The following CDCA7 variants were observed in gnomAD, a reference collection of about 807,000 sequenced individuals.
CDCA7 encodes cell division cycle-associated protein 7.
Under a neutral mutation model 54.0 loss-of-function variants are expected in CDCA7, and 28 were observed. The ratio of observed to expected loss-of-function variants is 0.52; its 90% CI spans 0.38 to 0.71. The LOEUF is 0.71. Among genes scored for constraint, CDCA7 ranks in the 30% least tolerant of loss-of-function variants. The probability of loss-of-function intolerance (pLI) is 0.00; values close to 1 mark genes in which losing one functional copy is unlikely to be tolerated. For missense variants in CDCA7, 484 were observed against 586.0 expected, an observed-to-expected ratio of 0.83 and a Z score of 1.80; for synonymous variants, 180 against 208.2, an observed-to-expected ratio of 0.86 and a Z score of 1.16.
rs769558563 is a variant in CDCA7 at position 173,364,964 on chromosome 2, G to A, written c.869G>A (p.Arg290Lys). The A allele has an allele frequency of 6.3e-7, 1 of 1,584,590 alleles. No individual in the cohort carries two copies. Reference sequence around the variant, plus strand: ...GATAAGTACATGTTGGTGAGAAAGAGGAAGACCGTGGATGGCTACATGAAT... The same window carrying A: ...GATAAGTACATGTTGGTGAGAAAGAAGAAGACCGTGGATGGCTACATGAAT... The part of the protein sequence containing the change: ...EEDKYMLVRK[R>K]KTVDGYMNED... The change falls in exon 6 of 10, where the codon AGG becomes AAG. Residue 290 changes from arginine to lysine, a missense_variant. This residue lies in a region of CDCA7 where 398 missense variants were observed against 447.4 expected (regional missense o/e 0.89). Coordinates refer to ENST00000306721, the MANE Select transcript of CDCA7 (RefSeq NM_031942.5).
At chr2:173,363,918 A>AT (rs753168616) in intron 5 of CDCA7, 23 bp downstream of exon 5, 4 of 1,605,842 alleles carry the variant, frequency 2.5e-6, no homozygotes, top group Non-Finnish European at 3.4e-6. Context: ...TCTTGTTTAT[A>AT]TACAGTAGTG....
In CDCA7 at chr2:173,365,266, G is replaced by T. The variant is rs560544549; in HGVS notation, c.895-186G>T. 2.0e-5 allele frequency among the ~76,000 whole-genome samples: 3 copies of T among 152,258 alleles called. No homozygotes were observed. The South Asian group carries it at 6.2e-4, about 32-fold the overall frequency. On this transcript the variant is annotated intron_variant, in intron 6 of 9. Transcript: ENST00000306721. ...CGTATGGCCTGTTCCCCTACCATAA[G>T]CTCTAGGAGAGATTTCCAGGTTGAA...
In CDCA7 at chr2:173,354,951, AC is replaced by A. The variant is rs1202336125; in HGVS notation, c.-10del. 5 of 1,464,080 alleles carry A rather than the reference AC, an allele frequency of 3.4e-6. No homozygotes were observed. In the African/African-American group the frequency reaches 7.4e-5, roughly 22 times the overall value. The allele number at this position is 1,464,080 out of a possible 1,614,324, so 90.7% of individuals were successfully genotyped here. ...CCCCGCTCCAAGCGCCGATCTGGGC[AC>A]CCGCCACCAGCATGGACGCTCGCCG... On this transcript the variant is annotated 5_prime_UTR_variant, in exon 1 of 10. Transcript: ENST00000306721.
At chr2:173,358,204 A>G (rs1224812455) in intron 1 of CDCA7, among the ~76,000 whole-genome samples, 2 of 151,544 alleles carry the variant, frequency 1.3e-5, no homozygotes, top group Non-Finnish European at 2.9e-5. Context: ...CGTCTCAAAA[A>G]AAAAAAAAAA....
chr2:173,364,394 G>A (rs11078), intron 5 of CDCA7: 65,638 of 163,484 alleles, frequency 0.4, 14,247 homozygotes, highest in Non-Finnish European at 0.48. Context: ...TCTTTTTCCT[G>A]GCTTTCCCTG....
chr2:173,363,594 T>C (rs1024113277), intron 4 of CDCA7, 132 bp downstream of exon 4: 4 of 978,902 alleles, frequency 4.1e-6, no homozygotes, highest in African/African-American at 3.3e-5. Context: ...ACCTGTGAAG[T>C]CTTCAATGTG....
chr2:173,358,870 T>C lies in CDCA7; in HGVS notation c.147+33T>C, dbSNP rs550475414. 95 of 1,592,004 alleles carry C rather than the reference T, an allele frequency of 6.0e-5. No individual in the cohort carries two copies. The East Asian group carries it at 2.1e-3, about 35-fold the overall frequency. On this transcript the variant is annotated intron_variant, in intron 2 of 9. Coordinates refer to ENST00000306721, the MANE Select transcript of CDCA7 (RefSeq NM_031942.5). ...CTGCCTGAGAATAAACAGAATTGAG[T>C]CTGCAGTGCTCAAAATGCCCCAGAT...
chr2:173,360,774 C>A (rs1007800952), intron 3 of CDCA7, among the ~76,000 whole-genome samples: 1 of 152,002 alleles, frequency 6.6e-6, no homozygotes, highest in African/African-American at 2.4e-5. Context: ...ACCTTGCTGG[C>A]CTTGATAAAT....
In CDCA7 at chr2:173,367,276, T is replaced by TA; in HGVS notation, c.1313dup (p.Tyr438Ter). The change falls in exon 9 of 10, where the codon TAC becomes TAAC. Residue 438 changes from tyrosine to a stop codon, truncating the protein, a stop_gained and frameshift_variant. Coordinates refer to ENST00000306721, the MANE Select transcript of CDCA7 (RefSeq NM_031942.5). LOFTEE classifies it high-confidence loss of function. ...TCATGGCTTTGGGAATGTGCATGCC[T>TA]ACTTGAAAAGGTAGTGGGTGTTTTT... Reference protein sequence around the residue: ...KYHGFGNVHAYLKSLKQEFEM... With the variant: ...KYHGFGNVHA 1 of 1,614,188 alleles carries TA rather than the reference T, an allele frequency of 6.2e-7. No homozygotes were observed. The highest frequency in any genetic ancestry group is 8.5e-7 in the Non-Finnish European group (1 of 1,180,030).
Position 173,364,805 on chromosome 2 carries a change from G to C in CDCA7, c.710G>C (p.Arg237Thr), listed in dbSNP as rs1377627477. The C allele has an allele frequency of 1.2e-6, 2 of 1,603,730 alleles. No individual in the cohort carries two copies. Among genetic ancestry groups the C allele is most frequent in the Admixed American group, 1.7e-5 (1 of 57,240 alleles). ...ACGTGCTTTGTTTAGCAATCAAGGA[G>C]ACCGCGAAGGCGTACATTCCCGGGT... ...PLPGSDSQSR[R>T]PRRRTFPGVA... Residue 237 changes from arginine (R) to threonine (T), a missense_variant, in exon 6 of 10, where the codon AGA becomes ACA. By Grantham distance (71) the Arg-to-Thr change is moderately conservative. Transcript: ENST00000306721.
At chr2:173,357,353 A>G (rs1686526272) in intron 1 of CDCA7, among the ~76,000 whole-genome samples, 2 of 152,238 alleles carry the variant, frequency 1.3e-5, no homozygotes, top group Non-Finnish European at 2.9e-5. Context: ...AGGGACAGCA[A>G]CAAGAACTGA....
At position 173,367,130 on chromosome 2, in the gene CDCA7, G is replaced by A. The variant is rs945202713; in HGVS notation, c.1186-20G>A. ...AGGTAAGGTTTAACTTAATTGTGCC[G>A]TTTGACAATCCTCCTTCAGAACTGG... On this transcript the variant is annotated intron_variant, in intron 8 of 9. Coordinates refer to ENST00000306721, the MANE Select transcript of CDCA7 (RefSeq NM_031942.5). The A allele has an allele frequency of 5.5e-5, 86 of 1,562,666 alleles. No homozygotes were observed. Among genetic ancestry groups the A allele is most frequent in the Non-Finnish European group, 7.1e-5 (82 of 1,157,844 alleles).
chr2:173,357,982 C>T (rs1324829151), intron 1 of CDCA7, among the ~76,000 whole-genome samples: 2 of 152,202 alleles, frequency 1.3e-5, no homozygotes, highest in South Asian at 2.1e-4. Context: ...AGGCAGATCA[C>T]GAGGTCAGGA....
In CDCA7 at chr2:173,363,306, T is replaced by C; in HGVS notation, c.465T>C (p.Phe155=). 6.2e-7 allele frequency: 1 copy of C among 1,614,186 alleles called. No individual in the cohort carries two copies. The highest frequency in any genetic ancestry group is 1.3e-5 in the African/African-American group (1 of 75,044). ...HSGPLRVAMK[F]PARSTRGATN... ...GACCTCTCAGGGTGGCGATGAAGTT[T>C]CCAGCGCGGAGTACCAGGGGAGCAA... Residue 155 remains phenylalanine (F), a synonymous_variant, in exon 4 of 10, where the codon TTT becomes TTC. Coordinates refer to ENST00000306721, the MANE Select transcript of CDCA7 (RefSeq NM_031942.5).
chr2:173,366,515 G>A lies in CDCA7; in HGVS notation c.1185+83G>A. The stretch of plus-strand genomic sequence containing the variant: ...GAGGCCAGAAAAAGGCATTGGTGAA[G>A]GGGTGGAGCCCTTTCTGTTATGGGG... On this transcript the variant is annotated intron_variant, in intron 8 of 9. Transcript: ENST00000306721. The surrounding 1 kb of genome is among the most constrained non-coding windows in gnomAD (Gnocchi z 4.5). 1 of 1,551,388 alleles carries A rather than the reference G, an allele frequency of 6.4e-7. No homozygotes were observed. The highest frequency in any genetic ancestry group is 8.7e-7 in the Non-Finnish European group (1 of 1,143,132).
intron 3 of CDCA7, among the ~76,000 whole-genome samples, chr2:173,362,891 T>C (rs551675545): frequency 2.0e-5 from 3 of 152,308 alleles, no homozygotes; most frequent in East Asian, 1.9e-4. Context: ...AGAACACATT[T>C]GTTCTTGTCA....
At chr2:173,364,754 A>T in intron 5 of CDCA7, 41 bp from the exon 6 acceptor site, 1 of 1,553,346 alleles carries the variant, frequency 6.4e-7, no homozygotes, top group East Asian at 2.4e-5. Context: ...ACTTCTCTTT[A>T]TTATGGAATA....
intron 3 of CDCA7, among the ~76,000 whole-genome samples, chr2:173,360,752 C>T (rs1375503140): frequency 2.6e-5 from 4 of 152,158 alleles, no homozygotes; most frequent in Admixed American, 6.5e-5. Flanking sequence ...GCTGGGATTA[C>T]AGCCAAGAGC....
intron 5 of CDCA7, 175 bp from the exon 6 acceptor site, chr2:173,364,620 G>A (rs1045401): frequency 0.85 from 681,201 of 802,414 alleles, 290,111 homozygotes; most frequent in East Asian, 0.96. Flanking sequence ...GCAAAATTAA[G>A]ATGGCCATAT....
Sources: allele counts gnomAD v4.1 joint callset (sites outside exome capture counted in the v4.1 genomes callset), GRCh38; gene constraint gnomAD v4.1.1; regional missense constraint gnomAD v4.1.1; non-coding constraint Gnocchi (gnomAD v3.1); transcripts MANE v1.5; gene names NCBI Gene and HGNC (gene_info 2026-07-23, HGNC 2026-07-21).